The following EPHA6 variants were observed in gnomAD, a reference collection of about 807,000 sequenced individuals.
The protein encoded by EPHA6 is EPH receptor A6.
A neutral mutation model predicts 112.0 loss-of-function variants in EPHA6; 50 were observed. The ratio of observed to expected loss-of-function variants is 0.45; its 90% confidence interval spans 0.36 to 0.56. The LOEUF is 0.56. Among genes scored for constraint, EPHA6 ranks in the 20% least tolerant of loss-of-function variants. The probability of loss-of-function intolerance (pLI) is 0.00; values close to 1 mark genes in which losing one functional copy is unlikely to be tolerated. For missense variants in EPHA6, 1,280 were observed against 1,417.4 expected, an observed-to-expected ratio of 0.90 and a Z score of 1.56; for synonymous variants, 529 against 490.7, an observed-to-expected ratio of 1.08 and a Z score of -1.03.
intron 1 of EPHA6, among the ~76,000 whole-genome samples, chr3:96,818,923 A>G (rs1004478837): frequency 6.6e-6 from 1 of 151,864 alleles, no homozygotes; most frequent in African/African-American, 2.4e-5. Flanking sequence ...CTTAGAATAT[A>G]ATTTTATTAT....
intron 4 of EPHA6, among the ~76,000 whole-genome samples, chr3:97,235,098 C>A (rs541230802): frequency 6.6e-6 from 1 of 152,046 alleles, no homozygotes; most frequent in Non-Finnish European, 1.5e-5. Context: ...TTCCTGACTG[C>A]CCCCTCAAAA....
intron 14 of EPHA6, among the ~76,000 whole-genome samples, chr3:97,653,549 T>A (rs1359650838): frequency 6.6e-6 from 1 of 151,954 alleles, no homozygotes. Flanking sequence ...TTGCACATTG[T>A]GCATGGTAAT....
At chr3:97,338,182 C>G (rs1408861927) in intron 5 of EPHA6, among the ~76,000 whole-genome samples, 1 of 151,900 alleles carries the variant, frequency 6.6e-6, no homozygotes. Flanking sequence ...TGCAATCCTG[C>G]CACATTGTAC....
At chr3:97,262,643 C>A (rs903083817) in intron 5 of EPHA6, among the ~76,000 whole-genome samples, 1 of 152,152 alleles carries the variant, frequency 6.6e-6, no homozygotes, top group African/African-American at 2.4e-5. Flanking sequence ...TCGTGCTTTG[C>A]AAATAAACAT....
intron 3 of EPHA6, among the ~76,000 whole-genome samples, chr3:97,217,218 T>G (rs1029687968): frequency 2.6e-5 from 4 of 152,128 alleles, no homozygotes; most frequent in Non-Finnish European, 5.9e-5. Flanking sequence ...AATGTCAGTA[T>G]GACAGAGAAA....
At chr3:97,660,641 G>T (rs963738219) in intron 14 of EPHA6, among the ~76,000 whole-genome samples, 2 of 152,088 alleles carry the variant, frequency 1.3e-5, no homozygotes, top group African/African-American at 4.8e-5. Context: ...ATTGTGCCCA[G>T]AATCTCAGCT....
intron 13 of EPHA6, among the ~76,000 whole-genome samples, chr3:97,622,134 A>G (rs901252305): frequency 2.0e-5 from 3 of 151,862 alleles, no homozygotes; most frequent in Middle Eastern, 3.2e-3. Flanking sequence ...CATTCATATC[A>G]TTGTGCAAAT....
chr3:97,241,259 A>G (rs976729617), intron 4 of EPHA6, among the ~76,000 whole-genome samples: 17 of 151,868 alleles, frequency 1.1e-4, no homozygotes, highest in Middle Eastern at 3.2e-3. Flanking sequence ...AGTTTATTAT[A>G]TGATGGACTT....
chr3:97,706,838 CCCCTTACCCT>C, intron 14 of EPHA6, among the ~76,000 whole-genome samples: 1 of 151,488 alleles, frequency 6.6e-6, no homozygotes, highest in South Asian at 2.1e-4. Flanking sequence ...TTCTGTTAGA[CCCCTTACCCT>C]CTGTGCTGTT....
chr3:96,959,634 A>G (rs527440285), intron 2 of EPHA6, among the ~76,000 whole-genome samples: 76 of 152,224 alleles, frequency 5.0e-4, no homozygotes, highest in Middle Eastern at 3.4e-3. Flanking sequence ...TTTAGCTTTT[A>G]TATTTAAGTC....
chr3:96,914,750 CTAGAG>C (rs941381287), intron 2 of EPHA6, among the ~76,000 whole-genome samples: 5 of 151,956 alleles, frequency 3.3e-5, no homozygotes, highest in East Asian at 1.9e-4. Context: ...CATACATAAT[CTAGAG>C]TAAAGTTGTA....
intron 3 of EPHA6, among the ~76,000 whole-genome samples, chr3:97,100,816 T>G (rs534569333): frequency 6.6e-6 from 1 of 152,160 alleles, no homozygotes; most frequent in Admixed American, 6.6e-5. Flanking sequence ...TTTTTGACAT[T>G]ATTGTTGTAA....
At position 96,988,012 on chromosome 3, in the gene EPHA6, A is replaced by C; in HGVS notation, c.1114+19A>C. The C allele has an allele frequency of 6.6e-7, 1 of 1,522,932 alleles. No individual in the cohort carries two copies. Among genetic ancestry groups the C allele is most frequent in the Non-Finnish European group, 8.8e-7 (1 of 1,132,530 alleles). 94.3% of individuals were successfully genotyped at this position (1,522,932 alleles called of 1,614,324 possible). On this transcript the variant is annotated intron_variant, in intron 3 of 17. Transcript: ENST00000389672. ...TGCCATGGTAAGAAACAAACATTTA[A>C]ATAATTTATCTTGCATTTAAATGAT...
intron 3 of EPHA6, among the ~76,000 whole-genome samples, chr3:97,096,179 T>G (rs2047229639): frequency 6.6e-6 from 1 of 151,784 alleles, no homozygotes; most frequent in Non-Finnish European, 1.5e-5. Flanking sequence ...TCCACATATA[T>G]GGAGGAAAAT....
chr3:96,896,373 T>C (rs575269523), intron 2 of EPHA6, among the ~76,000 whole-genome samples: 2 of 152,344 alleles, frequency 1.3e-5, no homozygotes, highest in South Asian at 4.1e-4. Context: ...ATTGCCAAAC[T>C]AAGTTTGCAG....
At chr3:97,599,450 G>A (rs2093624619) in intron 12 of EPHA6, among the ~76,000 whole-genome samples, 1 of 141,726 alleles carries the variant, frequency 7.1e-6, no homozygotes, top group African/African-American at 2.6e-5. Flanking sequence ...TGTATAAGGT[G>A]TAAGGAAGGG....
intron 14 of EPHA6, among the ~76,000 whole-genome samples, chr3:97,653,468 T>A (rs934869484): frequency 6.6e-6 from 1 of 151,952 alleles, no homozygotes; most frequent in African/African-American, 2.4e-5. Context: ...ACCTCATACC[T>A]ATTAGAATGG....
At chr3:97,135,081 T>C (rs72922324) in intron 3 of EPHA6, among the ~76,000 whole-genome samples, 6,089 of 152,208 alleles carry the variant, frequency 0.04, 369 homozygotes, top group African/African-American at 0.13. Flanking sequence ...CAAAGTGGCA[T>C]ATTGAGATGG....
At chr3:97,298,017 C>T (rs144433068) in intron 5 of EPHA6, among the ~76,000 whole-genome samples, 2,084 of 152,264 alleles carry the variant, frequency 0.014, 47 homozygotes, top group African/African-American at 0.047. Flanking sequence ...CCACCTCATC[C>T]TCCCAAAGTG....
Sources: allele counts gnomAD v4.1 joint callset (sites outside exome capture counted in the v4.1 genomes callset), GRCh38; gene constraint gnomAD v4.1.1; transcripts MANE v1.5; gene names NCBI Gene and HGNC (gene_info 2026-07-23, HGNC 2026-07-21).